YAP1: variants seen among roughly 807,000 people sequenced by gnomAD.
The protein encoded by YAP1 is Yes1 associated transcriptional regulator.
A neutral mutation model predicts 56.9 loss-of-function variants in YAP1; 5 were observed. The ratio of observed to expected loss-of-function variants is 0.09; its 90% CI spans 0.05 to 0.18. YAP1 has a LOEUF of 0.18. Among genes scored for constraint, YAP1 ranks in the 10% least tolerant of loss-of-function variants. YAP1 has a pLI of 1.00. For synonymous variants in YAP1, 265 were observed against 248.1 expected, an observed-to-expected ratio of 1.07 and a Z score of -0.64; for missense variants, 539 against 651.8, an observed-to-expected ratio of 0.83 and a Z score of 1.88.
chr11:102,193,899 C>T (rs571594204), intron 4 of YAP1, among the ~76,000 whole-genome samples: 6 of 149,382 alleles, frequency 4.0e-5, no homozygotes, highest in East Asian at 2.0e-4. Context: ...AGTGCAGTGG[C>T]GCAATCTTGG....
At chr11:102,111,993 T>C (rs1043094381) in intron 1 of YAP1, among the ~76,000 whole-genome samples, 1 of 152,228 alleles carries the variant, frequency 6.6e-6, no homozygotes, top group Non-Finnish European at 1.5e-5. Context: ...CTTGCTCTTA[T>C]CAAACTTAGT....
intron 1 of YAP1, among the ~76,000 whole-genome samples, chr11:102,111,797 T>C (rs1214925511): frequency 6.6e-6 from 1 of 152,116 alleles, no homozygotes; most frequent in African/African-American, 2.4e-5. Context: ...GTCCATTTAG[T>C]TTTTTGCTCT....
chr11:102,150,639 GT>G (rs1388587298), intron 2 of YAP1, among the ~76,000 whole-genome samples: 2 of 151,950 alleles, frequency 1.3e-5, no homozygotes, highest in African/African-American at 2.4e-5. Context: ...ATAGCATTGT[GT>G]ATGGCTTACA....
At chr11:102,213,983 T>C (rs1045580475) in intron 6 of YAP1, among the ~76,000 whole-genome samples, 1 of 151,978 alleles carries the variant, frequency 6.6e-6, no homozygotes, top group Non-Finnish European at 1.5e-5. Context: ...GAGGCTGAGG[T>C]GGGAGGATGG....
chr11:102,156,266 T>C (rs968333847), intron 2 of YAP1, among the ~76,000 whole-genome samples: 1 of 152,168 alleles, frequency 6.6e-6, no homozygotes, highest in African/African-American at 2.4e-5. Context: ...TTGGCTCTTT[T>C]GGGTAAATAA....
At chr11:102,205,519 G>A (rs1050610855) in intron 4 of YAP1, among the ~76,000 whole-genome samples, 1 of 151,964 alleles carries the variant, frequency 6.6e-6, no homozygotes, top group African/African-American at 2.4e-5. Flanking sequence ...TTGCTTCTTA[G>A]CTATTCATCA....
chr11:102,229,325 T>G (rs1294251779), intron 8 of YAP1, among the ~76,000 whole-genome samples: 1 of 152,200 alleles, frequency 6.6e-6, no homozygotes, highest in African/African-American at 2.4e-5. Flanking sequence ...CCACTCATGT[T>G]TATGTTTAGT....
At chr11:102,121,610 GGTCA>G (rs1943658781) in intron 2 of YAP1, among the ~76,000 whole-genome samples, 1 of 151,932 alleles carries the variant, frequency 6.6e-6, no homozygotes, top group Non-Finnish European at 1.5e-5. Flanking sequence ...CCACCCCATT[GGTCA>G]CTTAGTAGCC....
rs1417633965 is a variant in YAP1, at chr11:102,230,020, C to A, written c.*80C>A. On this transcript the variant is annotated 3_prime_UTR_variant, in exon 9 of 9. Coordinates refer to ENST00000282441, the MANE Select transcript of YAP1 (RefSeq NM_001130145.3). ...ACCGGAAATTTCCATAAGCCAGTTG[C>A]AGTTTTCAGGCTAATACAGAAAAAG... is the stretch of plus-strand genomic sequence containing the variant. 1.6e-5 allele frequency: 19 copies of A among 1,222,082 alleles called. No individual in the cohort carries two copies. Among genetic ancestry groups the A allele is most frequent in the Non-Finnish European group, 2.1e-5 (18 of 845,122 alleles). 75.7% of individuals were successfully genotyped at this position (1,222,082 alleles called of 1,614,324 possible).
At chr11:102,140,356 A>G (rs578029962) in intron 2 of YAP1, among the ~76,000 whole-genome samples, 1 of 152,354 alleles carries the variant, frequency 6.6e-6, no homozygotes, top group South Asian at 2.1e-4. Context: ...TCTACTCTAA[A>G]TTGAAAGTGT....
At chr11:102,184,025 C>T (rs1261036140) in intron 3 of YAP1, among the ~76,000 whole-genome samples, 1 of 145,726 alleles carries the variant, frequency 6.9e-6, no homozygotes, top group Non-Finnish European at 1.5e-5. Flanking sequence ...TGCAGTGAGC[C>T]GAGATCCCGC....
chr11:102,135,116 A>G (rs994587465), intron 2 of YAP1, among the ~76,000 whole-genome samples: 1 of 152,104 alleles, frequency 6.6e-6, no homozygotes, highest in African/African-American at 2.4e-5. Flanking sequence ...TGGTCTGCCC[A>G]CGTTAGCCTC....
chr11:102,205,400 T>C (rs1591413594), intron 4 of YAP1, among the ~76,000 whole-genome samples: 1 of 152,212 alleles, frequency 6.6e-6, no homozygotes, highest in African/African-American at 2.4e-5. Context: ...ATATATTTCA[T>C]AAGAAGTAAT....
Position 102,220,748 on chromosome 11 carries a change from A to G in YAP1, c.1033-2874A>G, listed in dbSNP as rs189186430. ...AAATGTGAGAAAGTAAAATAAGTGC[A>G]TGTAAGATTTTGGGGAGAGAAGTTT... On this transcript the variant is annotated intron_variant, in intron 6 of 8. Coordinates refer to ENST00000282441, the MANE Select transcript of YAP1 (RefSeq NM_001130145.3). Among the ~76,000 whole-genome samples, 654 of 152,322 alleles carry G rather than the reference A, an allele frequency of 4.3e-3. 7 individuals are homozygous for G. Among genetic ancestry groups the G allele is most frequent in the African/African-American group, 0.014 (593 of 41,560 alleles).
chr11:102,134,861 A>G (rs1185661930), intron 2 of YAP1, among the ~76,000 whole-genome samples: 1 of 151,746 alleles, frequency 6.6e-6, no homozygotes, highest in Non-Finnish European at 1.5e-5. Flanking sequence ...GGTACATGCC[A>G]CCATGCCAGC....
chr11:102,136,001 T>G (rs995478667), intron 2 of YAP1, among the ~76,000 whole-genome samples: 5 of 152,202 alleles, frequency 3.3e-5, no homozygotes, highest in African/African-American at 1.2e-4. Context: ...GCAGTGAACA[T>G]TCATGTGTAT....
intron 7 of YAP1, among the ~76,000 whole-genome samples, chr11:102,226,740 C>A (rs1020831268): frequency 8.5e-5 from 13 of 152,120 alleles, no homozygotes; most frequent in African/African-American, 3.1e-4. Flanking sequence ...ATGTGCCTTG[C>A]AGTTTTTTGT....
rs542613816 is a variant in YAP1, at chr11:102,181,164, G to A, written c.689-4854G>A. ...CCTGCCTCAAAAAAATAAAATAATAGGCCAGGCTCGGTGGCTCACGCCTGT... is the reference window on the plus strand; with the variant it reads ...CCTGCCTCAAAAAAATAAAATAATAAGCCAGGCTCGGTGGCTCACGCCTGT... On this transcript the variant is annotated intron_variant, in intron 3 of 8. Coordinates refer to ENST00000282441, the MANE Select transcript of YAP1 (RefSeq NM_001130145.3). Among the ~76,000 whole-genome samples, 4 of 151,332 alleles carry A rather than the reference G, an allele frequency of 2.6e-5. No homozygotes were observed. The South Asian group carries it at 8.4e-4, about 32-fold the overall frequency.
chr11:102,203,241 A>G (rs996139522), intron 4 of YAP1, among the ~76,000 whole-genome samples: 1 of 152,362 alleles, frequency 6.6e-6, no homozygotes, highest in East Asian at 1.9e-4. Context: ...CTGATGATCC[A>G]GAAACCACAG....
Sources: allele counts gnomAD v4.1 joint callset (sites outside exome capture counted in the v4.1 genomes callset), GRCh38; gene constraint gnomAD v4.1.1; transcripts MANE v1.5; gene names NCBI Gene and HGNC (gene_info 2026-07-23, HGNC 2026-07-21).